The following BIRC6 variants were observed in gnomAD, a reference collection of about 807,000 sequenced individuals.
BIRC6 encodes the protein baculoviral IAP repeat containing 6.
BIRC6 carries 98 observed loss-of-function variants against 503.3 expected under a neutral mutation model. The ratio of observed to expected loss-of-function variants is 0.19; its 90% CI spans 0.17 to 0.23. BIRC6 has a LOEUF of 0.23. BIRC6 is among the 10% of genes least tolerant of loss of function. The pLI, the probability that BIRC6 is intolerant of heterozygous loss-of-function variation, is 1.00. For synonymous variants in BIRC6, 2,240 were observed against 2,078.7 expected, an observed-to-expected ratio of 1.08 and a Z score of -2.11; for missense variants, 5,360 against 5,806.0, an observed-to-expected ratio of 0.92 and a Z score of 2.50.
intron 66 of BIRC6, among the ~76,000 whole-genome samples, chr2:32,580,179 C>A (rs1271698428): frequency 6.6e-6 from 1 of 152,074 alleles, no homozygotes; most frequent in Non-Finnish European, 1.5e-5. Context: ...GTCACAAACT[C>A]CTGACCTCAG....
At chr2:32,500,600 G>GTTTTTTTTTTTT in intron 46 of BIRC6, among the ~76,000 whole-genome samples, 1 of 103,046 alleles carries the variant, frequency 9.7e-6, no homozygotes, top group African/African-American at 3.2e-5. Context: ...TTTTGTTTTT[G>GTTTTTTTTTTTT]TTTTTGTTTT....
At chr2:32,582,080 A>G (rs2060712338) in intron 66 of BIRC6, among the ~76,000 whole-genome samples, 1 of 152,000 alleles carries the variant, frequency 6.6e-6, no homozygotes, top group African/African-American at 2.4e-5. Flanking sequence ...GCTGGTCTTG[A>G]ACTCCTGACC....
intron 6 of BIRC6, among the ~76,000 whole-genome samples, chr2:32,398,001 A>G (rs1236631767): frequency 6.6e-6 from 1 of 152,022 alleles, no homozygotes; most frequent in Non-Finnish European, 1.5e-5. Flanking sequence ...AAGTCTTCCA[A>G]ATGGGTAGGA....
chr2:32,407,774 G>C (rs1443827708), intron 9 of BIRC6, among the ~76,000 whole-genome samples: 1 of 151,558 alleles, frequency 6.6e-6, no homozygotes, highest in Non-Finnish European at 1.5e-5. Context: ...TCTTAGCAAT[G>C]AACAAAAAAA....
At chr2:32,387,079 G>A (rs988109574) in intron 3 of BIRC6, among the ~76,000 whole-genome samples, 7 of 152,178 alleles carry the variant, frequency 4.6e-5, no homozygotes, top group Non-Finnish European at 5.9e-5. Flanking sequence ...GGTCAGTTCA[G>A]TGCCATGTTT....
intron 9 of BIRC6, among the ~76,000 whole-genome samples, chr2:32,410,193 C>T (rs2041704198): frequency 6.6e-6 from 1 of 151,972 alleles, no homozygotes; most frequent in African/African-American, 2.4e-5. Flanking sequence ...CAGTTTAGTC[C>T]AGTTGGGCAT....
intron 12 of BIRC6, among the ~76,000 whole-genome samples, chr2:32,432,033 A>G (rs1476357858): frequency 2.0e-5 from 3 of 152,184 alleles, no homozygotes; most frequent in Non-Finnish European, 2.9e-5. Context: ...CCTGAGGACT[A>G]TATTTTGTGA....
At chr2:32,552,281 C>T (rs1409850570) in intron 65 of BIRC6, among the ~76,000 whole-genome samples, 2 of 152,090 alleles carry the variant, frequency 1.3e-5, no homozygotes, top group South Asian at 2.1e-4. Context: ...GAGATGAATA[C>T]CAGAGTCTGC....
rs76786675 is a variant in BIRC6, at chr2:32,503,308, G to T, written c.9499+72G>T. 9.8e-5 allele frequency: 121 copies of T among 1,238,996 alleles called. No individual in the cohort carries two copies. In the African/African-American group the frequency reaches 1.6e-3, roughly 17 times the overall value. 76.8% of individuals were successfully genotyped at this position (1,238,996 alleles called of 1,614,324 possible). A position where few individuals can be genotyped will look rare whatever the true frequency, so the allele number is the denominator to read the frequency against. ...TATTAGCTGGTATGAAACAAAATTAGTTGAAGTCAGTTGATGATGTTATAT... is the reference window on the plus strand; with the variant it reads ...TATTAGCTGGTATGAAACAAAATTATTTGAAGTCAGTTGATGATGTTATAT... On this transcript the variant is annotated intron_variant, in intron 49 of 73. Transcript: ENST00000421745.
At chr2:32,525,167 A>G in intron 58 of BIRC6, 148 bp downstream of exon 58, 2 of 803,058 alleles carry the variant, frequency 2.5e-6, no homozygotes, top group Non-Finnish European at 3.6e-6. Context: ...TTATCTTTTT[A>G]TTTTTATTTT....
At chr2:32,365,547 C>T (rs1374854581) in intron 1 of BIRC6, among the ~76,000 whole-genome samples, 1 of 152,116 alleles carries the variant, frequency 6.6e-6, no homozygotes, top group Non-Finnish European at 1.5e-5. Flanking sequence ...TCTCGAACTC[C>T]TGACCTTGTG....
Position 32,441,475 on chromosome 2 carries a change from C to T in BIRC6, c.3944+13C>T, listed in dbSNP as rs749481742. On this transcript the variant is annotated intron_variant, in intron 17 of 73. Transcript: ENST00000421745. Reference sequence around the variant, plus strand: ...TTTCTAAGGAAAGGTAATTTCATTGCATTATCTTGTTATTCTTACAGTAAT... The same window carrying T: ...TTTCTAAGGAAAGGTAATTTCATTGTATTATCTTGTTATTCTTACAGTAAT... The T allele has an allele frequency of 2.5e-6, 4 of 1,600,434 alleles. No homozygotes were observed. Among genetic ancestry groups the T allele is most frequent in the Non-Finnish European group, 2.6e-6 (3 of 1,170,210 alleles).
At chr2:32,388,249 C>T (rs1208625183) in intron 3 of BIRC6, among the ~76,000 whole-genome samples, 2 of 151,824 alleles carry the variant, frequency 1.3e-5, no homozygotes, top group Non-Finnish European at 2.9e-5. Flanking sequence ...GGGATGGTGG[C>T]GCATGCCTGT....
intron 10 of BIRC6, among the ~76,000 whole-genome samples, chr2:32,427,112 A>G (rs1438984835): frequency 6.6e-6 from 1 of 151,846 alleles, no homozygotes; most frequent in East Asian, 1.9e-4. Flanking sequence ...TGTTTATCCT[A>G]TTTGAGGGTC....
At chr2:32,397,662 G>GTATA (rs200966682) in intron 6 of BIRC6, among the ~76,000 whole-genome samples, 16 of 138,762 alleles carry the variant, frequency 1.2e-4, no homozygotes, top group African/African-American at 3.3e-4. Context: ...ACATATATGT[G>GTATA]TATATATATA....
chr2:32,601,840 C>G (rs1160050260), intron 70 of BIRC6, among the ~76,000 whole-genome samples: 6 of 152,028 alleles, frequency 3.9e-5, no homozygotes, highest in Non-Finnish European at 1.5e-5. Flanking sequence ...CCTGGGAAGC[C>G]TGAATACTCT....
At chr2:32,369,924 C>A (rs2035539805) in intron 1 of BIRC6, among the ~76,000 whole-genome samples, 2 of 22,690 alleles carry the variant, frequency 8.8e-5, no homozygotes, top group African/African-American at 2.3e-4. Context: ...GACCCTGTCT[C>A]TTAAAAAAAA....
rs1364137038 is a variant in BIRC6, at chr2:32,468,779, T to C, written c.6123T>C (p.Ser2041=). The C allele has an allele frequency of 6.3e-7, 1 of 1,586,032 alleles. No individual in the cohort carries two copies. The highest frequency in any genetic ancestry group is 8.6e-7 in the Non-Finnish European group (1 of 1,160,940). Residue 2041 remains serine, a synonymous_variant, in exon 29 of 74, where the codon TCT becomes TCC. Coordinates refer to ENST00000421745, the MANE Select transcript of BIRC6 (RefSeq NM_016252.4). ...CTTTGCTCAGCCTGCTTCATGCTTC[T>C]AATGGTTTGTATTTGGCTTACATAT... is the stretch of plus-strand genomic sequence containing the variant. ...LDTLLSLLHA[S]NGHSVPAVLQ... is the part of the protein sequence containing the mutation.
chr2:32,442,180 G>C lies in BIRC6; in HGVS notation c.4060G>C (p.Asp1354His). Residue 1354 changes from aspartate (D) to histidine (H), a missense_variant, in exon 18 of 74, where the codon GAT becomes CAT. Asp to His is a moderately conservative substitution (Grantham distance 81). Coordinates refer to ENST00000421745, the MANE Select transcript of BIRC6 (RefSeq NM_016252.4). ...AGAACATGCCCAGAGCCTTGTGTTG[G>C]ATACTCTCTGTTGGTTAGCTGGAGT... ...ITEHAQSLVL[D>H]TLCWLAGVHS... The C allele has an allele frequency of 6.2e-7, 1 of 1,610,266 alleles. No homozygotes were observed. The highest frequency in any genetic ancestry group is 8.5e-7 in the Non-Finnish European group (1 of 1,178,914).
Sources: allele counts gnomAD v4.1 joint callset (sites outside exome capture counted in the v4.1 genomes callset), GRCh38; gene constraint gnomAD v4.1.1; transcripts MANE v1.5; gene names NCBI Gene and HGNC (gene_info 2026-07-23, HGNC 2026-07-21).